The following CDC123 variants were observed in gnomAD, a reference collection of about 807,000 sequenced individuals.
CDC123 encodes cell division cycle 123.
Under a neutral mutation model 54.4 loss-of-function variants are expected in CDC123, and 37 were observed. The observed-to-expected ratio is 0.68, with a 90% CI of 0.52 to 0.89. CDC123 has a LOEUF of 0.89. Among genes scored for constraint, CDC123 ranks in the 40% least tolerant of loss-of-function variants. CDC123 has a pLI of 0.00. For missense variants in CDC123, 361 were observed against 412.1 expected (o/e 0.88, Z 1.07); for synonymous variants, 144 against 136.8 (o/e 1.05, Z -0.37).
At position 12,217,405 on chromosome 10, in the gene CDC123, C is replaced by G. The variant is rs780561017; in HGVS notation, c.378C>G (p.Thr126=). 1.2e-6 allele frequency: 2 copies of G among 1,613,906 alleles called. No individual in the cohort carries two copies. The highest frequency in any genetic ancestry group is 1.7e-6 in the Non-Finnish European group (2 of 1,179,910). The change falls in exon 6 of 13, where the codon ACC becomes ACG. Residue 126 remains threonine (T), a synonymous_variant. Coordinates refer to ENST00000281141, the MANE Select transcript of CDC123 (RefSeq NM_006023.3). The stretch of plus-strand genomic sequence containing the variant: ...TGAATAGTTCTCTGAAATGTAAAAC[C>G]CTCAGCGACATCTTTCTGCTTTTCA... ...IAMNSSLKCK[T]LSDIFLLFKS... is the part of the protein sequence containing the mutation.
rs977071455 is a variant in CDC123 at position 12,231,929 on chromosome 10, T to C, written c.489+933T>C. Among the ~76,000 whole-genome samples, 11 of 152,204 alleles carry C rather than the reference T, an allele frequency of 7.2e-5. No individual in the cohort carries two copies. In the South Asian group the frequency reaches 1.5e-3, roughly 20 times the overall value. ...GGCGCGATCTCAGCTCACTGAAACC[T>C]CTGCCTCCTGGACTAAAGCAATTCT... On this transcript the variant is annotated intron_variant, in intron 7 of 12. Transcript: ENST00000281141.
At chr10:12,206,976 AAG>A (rs1554805838) in intron 2 of CDC123, among the ~76,000 whole-genome samples, 1 of 151,602 alleles carries the variant, frequency 6.6e-6, no homozygotes, top group Non-Finnish European at 1.5e-5. Flanking sequence ...AAAAAAAAAA[AAG>A]ATTGGAAGCA....
intron 6 of CDC123, among the ~76,000 whole-genome samples, chr10:12,223,229 C>T (rs1396523732): frequency 6.6e-6 from 1 of 152,004 alleles, no homozygotes; most frequent in Non-Finnish European, 1.5e-5. Context: ...ATATTTGGAA[C>T]AGCACGAGAG....
chr10:12,230,820 T>G, intron 6 of CDC123, 128 bp from the exon 7 acceptor site: 8 of 832,170 alleles, frequency 9.6e-6, no homozygotes, highest in Non-Finnish European at 1.2e-5. Context: ...TCGTCGAATT[T>G]GAGTTAGTCT....
chr10:12,204,887 G>C (rs1835496036), intron 2 of CDC123, among the ~76,000 whole-genome samples: 1 of 150,420 alleles, frequency 6.6e-6, no homozygotes, highest in African/African-American at 2.4e-5. Flanking sequence ...CAGCTGCTCA[G>C]GAGGCTGAGG....
At chr10:12,232,153 T>A (rs1392301875) in intron 7 of CDC123, among the ~76,000 whole-genome samples, 4 of 152,064 alleles carry the variant, frequency 2.6e-5, no homozygotes, top group African/African-American at 7.2e-5. Context: ...TGCCTTTTTT[T>A]AAATGCAGAC....
chr10:12,196,502 G>C (rs1835349421), intron 1 of CDC123, among the ~76,000 whole-genome samples, 183 bp downstream of exon 1: 1 of 152,212 alleles, frequency 6.6e-6, no homozygotes, highest in South Asian at 2.1e-4. Flanking sequence ...TGCTGGCTAG[G>C]AGGGTCAGTT....
intron 6 of CDC123, among the ~76,000 whole-genome samples, chr10:12,222,359 C>T (rs1381488742): frequency 1.3e-5 from 2 of 152,174 alleles, no homozygotes; most frequent in Non-Finnish European, 2.9e-5. Flanking sequence ...GTGGCTCACG[C>T]CTGTAATCCC....
intron 10 of CDC123, chr10:12,245,698 C>T (rs141661284): frequency 0.035 from 5,371 of 152,744 alleles, 120 homozygotes; most frequent in Non-Finnish European, 0.037. Flanking sequence ...TTCAGACAGG[C>T]GGCCCTTTCT....
Position 12,249,579 on chromosome 10 carries a change from A to T in CDC123, c.847-2A>T. On this transcript the variant is annotated splice_acceptor_variant, in intron 11 of 12. Coordinates refer to ENST00000281141, the MANE Select transcript of CDC123 (RefSeq NM_006023.3). LOFTEE classifies it high-confidence loss of function. ...TCTTTCTCCTTTTTCTTCTTTGTAC[A>T]GGATTCCCCAGCTTTCCGTTGCACA... is the stretch of plus-strand genomic sequence containing the variant. 2 of 1,609,858 alleles carry T rather than the reference A, an allele frequency of 1.2e-6. No individual in the cohort carries two copies. Among genetic ancestry groups the T allele is most frequent in the South Asian group, 2.2e-5 (2 of 90,132 alleles).
Position 12,249,555 on chromosome 10 carries a change from C to G in CDC123, c.847-26C>G, listed in dbSNP as rs145536103. 3 of 1,598,678 alleles carry G rather than the reference C, an allele frequency of 1.9e-6. No individual in the cohort carries two copies. In the African/African-American group the frequency reaches 4.1e-5, roughly 22 times the overall value. On this transcript the variant is annotated intron_variant, in intron 11 of 12. Transcript: ENST00000281141. ...GGCCTAAAAATAAATGATTGATATT[C>G]TTTCTCCTTTTTCTTCTTTGTACAG...
At chr10:12,203,066 G>A (rs1293398193) in intron 2 of CDC123, among the ~76,000 whole-genome samples, 1 of 152,190 alleles carries the variant, frequency 6.6e-6, no homozygotes, top group Non-Finnish European at 1.5e-5. Flanking sequence ...TACAGATGAA[G>A]AGATGCGTAG....
intron 8 of CDC123, among the ~76,000 whole-genome samples, chr10:12,235,640 T>C (rs555033893): frequency 1.3e-5 from 2 of 152,372 alleles, no homozygotes; most frequent in East Asian, 3.8e-4. Flanking sequence ...ATATTGAAGA[T>C]AATTTGTTCT....
chr10:12,209,974 C>T lies in CDC123; in HGVS notation c.154C>T (p.Pro52Ser), dbSNP rs767809354. 6.2e-7 allele frequency: 1 copy of T among 1,614,038 alleles called. No homozygotes were observed. The highest frequency in any genetic ancestry group is 8.5e-7 in the Non-Finnish European group (1 of 1,179,960). ...TTGTTTGTGTTTTTTTAGGGATGAT[C>T]CACCAACACATTCTCAGCCAGACAG... ...GTLVVSGRDD[P>S]PTHSQPDSDD... is the part of the protein sequence containing the mutation. The change falls in exon 3 of 13, where the codon CCA (proline) becomes TCA (serine). Residue 52 changes from proline (P) to serine (S), a missense_variant. Coordinates refer to ENST00000281141, the MANE Select transcript of CDC123 (RefSeq NM_006023.3).
chr10:12,238,297 A>G (rs10906104), intron 9 of CDC123, among the ~76,000 whole-genome samples, 160 bp from the exon 10 acceptor site: 99,145 of 152,014 alleles, frequency 0.65, 34,031 homozygotes, highest in Non-Finnish European at 0.77. Context: ...ACATTGCAGG[A>G]TGCCTTTTTA....
chr10:12,210,212 T>C (rs376222610), intron 3 of CDC123, 78 bp from the exon 4 acceptor site: 12 of 1,550,704 alleles, frequency 7.7e-6, no homozygotes, highest in South Asian at 5.9e-5. Context: ...TTTATAATTT[T>C]TAGATGGAGC....
intron 2 of CDC123, among the ~76,000 whole-genome samples, chr10:12,199,618 C>T (rs1303672732): frequency 1.3e-5 from 2 of 152,286 alleles, no homozygotes; most frequent in South Asian, 2.1e-4. Context: ...GTTTTCAGTA[C>T]TACTAACTGG....
intron 6 of CDC123, among the ~76,000 whole-genome samples, chr10:12,218,480 C>G (rs975845000): frequency 1.3e-5 from 2 of 152,126 alleles, no homozygotes; most frequent in Non-Finnish European, 1.5e-5. Flanking sequence ...ACCTTGTGAT[C>G]TGCCTGCCTT....
intron 7 of CDC123, among the ~76,000 whole-genome samples, chr10:12,234,083 T>A (rs1243908168): frequency 1.3e-5 from 2 of 152,010 alleles, no homozygotes. Flanking sequence ...TTATTTTATT[T>A]TACTATATTT....
Sources: allele counts gnomAD v4.1 joint callset (sites outside exome capture counted in the v4.1 genomes callset), GRCh38; gene constraint gnomAD v4.1.1; transcripts MANE v1.5; gene names NCBI Gene and HGNC (gene_info 2026-07-23, HGNC 2026-07-21).